The following PKD1L1 variants were observed in gnomAD, a reference collection of about 807,000 sequenced individuals.
PKD1L1 encodes the protein polycystin 1 like 1, transient receptor potential channel interacting, also known as polycystin-1-like protein 1.
Under a neutral mutation model 323.4 loss-of-function variants are expected in PKD1L1, and 236 were observed. That is an observed-to-expected ratio of 0.73 (90% CI 0.66 to 0.81). The LOEUF (loss-of-function observed/expected upper bound fraction) is 0.81, where lower values mean the gene tolerates loss of function less well. Among genes scored for constraint, PKD1L1 ranks in the 40% least tolerant of loss-of-function variants. The pLI, the probability that PKD1L1 is intolerant of heterozygous loss-of-function variation, is 0.00. For missense variants in PKD1L1, 3,320 were observed against 3,508.0 expected (o/e 0.95, Z 1.35); for synonymous variants, 1,344 against 1,335.0 (o/e 1.01, Z -0.15).
At chr7:47,785,058 A>C (rs1423067692) in intron 56 of PKD1L1, among the ~76,000 whole-genome samples, 1 of 152,154 alleles carries the variant, frequency 6.6e-6, no homozygotes, top group East Asian at 1.9e-4. Flanking sequence ...CAGAACCAGG[A>C]TGTGAGAGCA....
chr7:47,886,285 C>A (rs112301956), intron 17 of PKD1L1, among the ~76,000 whole-genome samples: 7 of 151,900 alleles, frequency 4.6e-5, no homozygotes, highest in Non-Finnish European at 7.4e-5. Flanking sequence ...GGATTCACAG[C>A]GATTGCACCT....
chr7:47,873,661 AAAAAAAAAAAGAAGG>A (rs1354668167), intron 24 of PKD1L1, among the ~76,000 whole-genome samples: 102 of 146,030 alleles, frequency 7.0e-4, no homozygotes, highest in African/African-American at 2.6e-3. Context: ...AAAAAAAAAA[AAAAAAAAAAAGAAGG>A]AGAAGAAAGT....
chr7:47,840,545 T>C lies in PKD1L1; in HGVS notation c.5468A>G (p.Asp1823Gly). ...TSKVYIVLCG[D>G]NGLSETKELS... ...CTCCTTGGTTTCTGACAGTCCATTG[T>C]CGCCACATAAAACAATGTACACCTC... is the stretch of plus-strand genomic sequence containing the variant. Residue 1823 changes from aspartate (D) to glycine (G), a missense_variant, in exon 35 of 57, where the codon GAC becomes GGC. Physicochemically the swap from Asp to Gly is moderately conservative, Grantham distance 94. Transcript: ENST00000289672. This position sits in a 1 kb window ranked among gnomAD's most constrained non-coding sequence, Gnocchi z 4.1. 6.2e-7 allele frequency: 1 copy of C among 1,614,086 alleles called. No individual in the cohort carries two copies. The highest frequency in any genetic ancestry group is 1.1e-5 in the South Asian group (1 of 91,074).
At chr7:47,917,337 G>A (rs979270763) in intron 7 of PKD1L1, among the ~76,000 whole-genome samples, 6 of 152,032 alleles carry the variant, frequency 3.9e-5, no homozygotes, top group African/African-American at 1.4e-4. Context: ...TATGTTAAAT[G>A]ACCAAACCTA....
At chr7:47,817,927 C>A in intron 46 of PKD1L1, 1 of 883,818 alleles carries the variant, frequency 1.1e-6, no homozygotes, top group Non-Finnish European at 1.6e-6. Context: ...ATTTATCTGA[C>A]TGGTTTTATT....
chr7:47,817,597 G>A (rs770635960), intron 46 of PKD1L1, among the ~76,000 whole-genome samples: 37 of 152,132 alleles, frequency 2.4e-4, no homozygotes, highest in African/African-American at 4.3e-4. Flanking sequence ...GGCTGGGCAC[G>A]GTGGCTCAGG....
chr7:47,812,838 T>C (rs954276279), intron 49 of PKD1L1, among the ~76,000 whole-genome samples: 2 of 152,260 alleles, frequency 1.3e-5, no homozygotes, highest in Non-Finnish European at 2.9e-5. Context: ...AAGGTCAGCA[T>C]GCAACAAATG....
chr7:47,879,937 A>C (rs1460723162), intron 21 of PKD1L1, among the ~76,000 whole-genome samples: 2 of 111,504 alleles, frequency 1.8e-5, no homozygotes, highest in African/African-American at 4.4e-5. Flanking sequence ...TCTCAACAAA[A>C]AAATAAAAAA....
chr7:47,809,830 C>T (rs567561262), intron 50 of PKD1L1: 2 of 352,156 alleles, frequency 5.7e-6, no homozygotes, highest in African/African-American at 2.1e-5. Context: ...GGTCTCTGCA[C>T]TCAGGGAAAG....
At chr7:47,902,575 C>G in intron 12 of PKD1L1, 64 bp from the exon 13 acceptor site, 9 of 1,540,734 alleles carry the variant, frequency 5.8e-6, no homozygotes, top group Non-Finnish European at 8.0e-6. Context: ...CTTTCATTCA[C>G]TCTTCATACC....
intron 52 of PKD1L1, among the ~76,000 whole-genome samples, chr7:47,806,976 T>C (rs1486127696): frequency 2.0e-5 from 3 of 151,944 alleles, no homozygotes; most frequent in Admixed American, 1.3e-4. Flanking sequence ...GACAGGATTC[T>C]GTCGGGACAC....
intron 7 of PKD1L1, among the ~76,000 whole-genome samples, chr7:47,926,190 G>T (rs1787654153): frequency 6.6e-6 from 1 of 152,182 alleles, no homozygotes; most frequent in African/African-American, 2.4e-5. Context: ...CTCTCTGAAG[G>T]CTGCTACCTG....
Position 47,836,919 on chromosome 7 carries a change from A to C in PKD1L1, c.5943+2T>G, listed in dbSNP as rs1203714359. 5 of 1,613,268 alleles carry C rather than the reference A, an allele frequency of 3.1e-6. No homozygotes were observed. Among genetic ancestry groups the C allele is most frequent in the Non-Finnish European group, 3.4e-6 (4 of 1,179,754 alleles). On this transcript the variant is annotated splice_donor_variant, in intron 37 of 56. Transcript: ENST00000289672. LOFTEE classifies it high-confidence loss of function. ...GCTATAAGGAAAAGCGATGGCTCTC[A>C]CCTGCTCTTGCCCTCCAGCAGCAAC...
intron 45 of PKD1L1, among the ~76,000 whole-genome samples, chr7:47,826,747 A>G (rs1343714049): frequency 6.6e-6 from 1 of 152,172 alleles, no homozygotes; most frequent in African/African-American, 2.4e-5. Context: ...ACTGAGAGAA[A>G]TGTGTTGGAG....
At chr7:47,848,469 G>A (rs577341413) in intron 31 of PKD1L1, among the ~76,000 whole-genome samples, 71 of 152,308 alleles carry the variant, frequency 4.7e-4, no homozygotes, top group African/African-American at 1.7e-3. Context: ...GTATGCATGG[G>A]CTTATTTTCC....
intron 44 of PKD1L1, 49 bp from the exon 45 acceptor site, chr7:47,827,517 G>C: frequency 6.6e-7 from 1 of 1,506,062 alleles, no homozygotes; most frequent in South Asian, 1.2e-5. Flanking sequence ...GGTGGAAGGA[G>C]AGAGGCCCCT....
In PKD1L1 at chr7:47,831,240, C is replaced by T. The variant is rs771143762; in HGVS notation, c.6450G>A (p.Leu2150=). Residue 2150 remains leucine, a synonymous_variant, in exon 42 of 57, where the codon TTG becomes TTA. Transcript: ENST00000289672. The stretch of plus-strand genomic sequence containing the variant: ...ACCTGTAGGCTAGAAATCCTGTCCC[C>T]AAACTGCAGGCCAAAGAAGCGGTCC... ...ICGTASLACS[L]GTGFLAYRFG... The T allele has an allele frequency of 8.7e-6, 14 of 1,613,940 alleles. No individual in the cohort carries two copies. The highest frequency in any genetic ancestry group is 1.3e-5 in the African/African-American group (1 of 74,920).
At chr7:47,905,127 C>A in intron 11 of PKD1L1, 30 bp downstream of exon 11, 2 of 1,602,986 alleles carry the variant, frequency 1.2e-6, no homozygotes, top group Non-Finnish European at 1.7e-6. Context: ...GTACAAACAG[C>A]TACTCAGCAG....
the PKD1L1 span, among the ~76,000 whole-genome samples, chr7:47,955,303 C>T: frequency 1.3e-5 from 2 of 152,264 alleles, no homozygotes; most frequent in South Asian, 2.1e-4. Context: ...GTCCAATGTT[C>T]GGGAAACTGT....
Sources: allele counts gnomAD v4.1 joint callset (sites outside exome capture counted in the v4.1 genomes callset), GRCh38; gene constraint gnomAD v4.1.1; non-coding constraint Gnocchi (gnomAD v3.1); transcripts MANE v1.5; gene names NCBI Gene and HGNC (gene_info 2026-07-23, HGNC 2026-07-21).